TAFA1: variants seen among roughly 807,000 people sequenced by gnomAD.
TAFA1 encodes the protein chemokine-like protein TAFA-1.
Under a neutral mutation model 18.5 loss-of-function variants are expected in TAFA1, and 4 were observed. The ratio of observed to expected loss-of-function variants is 0.22; its 90% confidence interval spans 0.11 to 0.49. The LOEUF is 0.49. TAFA1 is among the 20% of genes least tolerant of loss of function. The pLI, the probability that TAFA1 is intolerant of heterozygous loss-of-function variation, is 0.98. For synonymous variants in TAFA1, 56 were observed against 55.2 expected (o/e 1.01, Z -0.06); for missense variants, 147 against 169.0 (o/e 0.87, Z 0.72).
intron 2 of TAFA1, among the ~76,000 whole-genome samples, chr3:68,384,403 C>G (rs765458753): frequency 2.0e-5 from 3 of 151,958 alleles, no homozygotes; most frequent in Non-Finnish European, 2.9e-5. Flanking sequence ...AACTTGATTT[C>G]TATCTTAATT....
chr3:68,006,840 T>C (rs1704367892), intron 2 of TAFA1, 96 bp downstream of exon 2: 3 of 895,236 alleles, frequency 3.4e-6, no homozygotes, highest in Admixed American at 1.8e-5. Context: ...TGCTATAGTG[T>C]GGGCAGCTTG....
intron 3 of TAFA1, among the ~76,000 whole-genome samples, chr3:68,514,520 A>G (rs575244352): frequency 1.3e-5 from 2 of 152,218 alleles, no homozygotes; most frequent in East Asian, 3.9e-4. Flanking sequence ...CATTCAACTG[A>G]TTTAAACAAA....
In TAFA1 at chr3:68,334,578, C is replaced by T. The variant is rs1039003357; in HGVS notation, c.119-82702C>T. Among the ~76,000 whole-genome samples, 5 of 152,276 alleles carry T rather than the reference C, an allele frequency of 3.3e-5. No individual in the cohort carries two copies. In the East Asian group the frequency reaches 5.8e-4, roughly 18 times the overall value. Reference sequence around the variant, plus strand: ...TTGTTAATATGCAGCCTCTGACTCACTAGTTCTGAGGCATGCCCTAAGATT... The same window carrying T: ...TTGTTAATATGCAGCCTCTGACTCATTAGTTCTGAGGCATGCCCTAAGATT... On this transcript the variant is annotated intron_variant, in intron 2 of 4. Transcript: ENST00000478136.
intron 3 of TAFA1, among the ~76,000 whole-genome samples, chr3:68,440,285 C>T (rs928732421): frequency 6.6e-6 from 1 of 152,170 alleles, no homozygotes; most frequent in Non-Finnish European, 1.5e-5. Flanking sequence ...TGAGGCCTCC[C>T]CAGCCACACA....
chr3:68,298,609 A>C (rs2068252620), intron 2 of TAFA1, among the ~76,000 whole-genome samples: 1 of 152,182 alleles, frequency 6.6e-6, no homozygotes, highest in African/African-American at 2.4e-5. Flanking sequence ...GAGGTAATTG[A>C]ATCATGGGGG....
intron 2 of TAFA1, among the ~76,000 whole-genome samples, chr3:68,337,702 C>A (rs1358186283): frequency 6.6e-6 from 1 of 151,582 alleles, no homozygotes; most frequent in Non-Finnish European, 1.5e-5. Flanking sequence ...GAAGATCTAC[C>A]CTCTTAAATG....
chr3:68,186,356 GTT>G (rs768180254), intron 2 of TAFA1, among the ~76,000 whole-genome samples: 70 of 152,066 alleles, frequency 4.6e-4, no homozygotes, highest in Non-Finnish European at 9.3e-4. Flanking sequence ...AGAGCAGTAA[GTT>G]GAAAATGCCT....
intron 3 of TAFA1, among the ~76,000 whole-genome samples, chr3:68,422,600 A>T (rs1293046146): frequency 1.3e-5 from 2 of 152,118 alleles, no homozygotes; most frequent in African/African-American, 4.8e-5. Context: ...TGGAACAGAA[A>T]ATGTGGGGTA....
intron 2 of TAFA1, among the ~76,000 whole-genome samples, chr3:68,087,488 C>A (rs1430779370): frequency 6.6e-6 from 1 of 151,506 alleles, no homozygotes; most frequent in Non-Finnish European, 1.5e-5. Context: ...TAGAAAATGT[C>A]CTCAGGATTT....
At chr3:68,381,130 T>A (rs2069942467) in intron 2 of TAFA1, among the ~76,000 whole-genome samples, 2 of 114,796 alleles carry the variant, frequency 1.7e-5, no homozygotes, top group African/African-American at 3.4e-5. Context: ...TTGGTCTATA[T>A]CTCTGTTTTG....
chr3:68,249,589 A>G (rs1200085975), intron 2 of TAFA1, among the ~76,000 whole-genome samples: 1 of 152,170 alleles, frequency 6.6e-6, no homozygotes, highest in Non-Finnish European at 1.5e-5. Flanking sequence ...AGGAGGCAAA[A>G]AAAACTTGGG....
chr3:68,331,478 A>T (rs1212458935), intron 2 of TAFA1, among the ~76,000 whole-genome samples: 1 of 152,242 alleles, frequency 6.6e-6, no homozygotes, highest in Non-Finnish European at 1.5e-5. Flanking sequence ...AATATTTAAT[A>T]AATGAATGAA....
intron 2 of TAFA1, among the ~76,000 whole-genome samples, chr3:68,117,890 G>A (rs900303844): frequency 1.6e-4 from 24 of 152,076 alleles, no homozygotes; most frequent in African/African-American, 5.6e-4. Flanking sequence ...ATTTTTAAAT[G>A]TACAGTTCAC....
chr3:68,272,185 A>G (rs1244701135), intron 2 of TAFA1, among the ~76,000 whole-genome samples: 2 of 152,104 alleles, frequency 1.3e-5, no homozygotes, highest in African/African-American at 4.8e-5. Context: ...AATAAAACAC[A>G]ATCCTCTGGA....
intron 2 of TAFA1, among the ~76,000 whole-genome samples, chr3:68,088,564 G>T (rs1433061294): frequency 6.6e-6 from 1 of 152,176 alleles, no homozygotes; most frequent in Non-Finnish European, 1.5e-5. Flanking sequence ...GTTTCTGTCA[G>T]TCTAGCAATT....
At chr3:68,219,391 G>A (rs970774175) in intron 2 of TAFA1, among the ~76,000 whole-genome samples, 7 of 152,098 alleles carry the variant, frequency 4.6e-5, no homozygotes, top group Non-Finnish European at 8.8e-5. Context: ...AGAACTCACA[G>A]TGCTTAAAAA....
At chr3:68,509,976 T>G (rs956169870) in intron 3 of TAFA1, among the ~76,000 whole-genome samples, 2 of 152,106 alleles carry the variant, frequency 1.3e-5, no homozygotes, top group Non-Finnish European at 2.9e-5. Context: ...ATGTTATATG[T>G]AACTTCCCAA....
intron 2 of TAFA1, among the ~76,000 whole-genome samples, chr3:68,143,934 G>A (rs1447315535): frequency 6.6e-6 from 1 of 151,726 alleles, no homozygotes. Flanking sequence ...TGCCTGACAG[G>A]CAGCTGCATA....
At chr3:68,449,917 G>A (rs999523077) in intron 3 of TAFA1, among the ~76,000 whole-genome samples, 6 of 152,158 alleles carry the variant, frequency 3.9e-5, no homozygotes, top group African/African-American at 1.4e-4. Context: ...CCTTACTCTA[G>A]CCTGCTCTTC....
Sources: gnomAD v4.1 joint callset for allele counts (sites outside exome capture counted in the v4.1 genomes callset) on GRCh38, gnomAD v4.1.1 for gene constraint, MANE v1.5 for transcripts, NCBI Gene and HGNC (gene_info 2026-07-23, HGNC 2026-07-21) for gene names.